Variants in NEDD4L observed in about 807,000 individuals in gnomAD.
NEDD4L encodes the protein NEDD4 like E3 ubiquitin protein ligase.
In NEDD4L, 54 loss-of-function variants were observed where a neutral mutation model predicts 148.9. The observed-to-expected ratio is 0.36, with a 90% CI of 0.29 to 0.45. The LOEUF is 0.45. Among genes scored for constraint, NEDD4L ranks in the 20% least tolerant of loss-of-function variants. The probability of loss-of-function intolerance (pLI) is 1.00; values close to 1 mark genes in which losing one functional copy is unlikely to be tolerated. For synonymous variants in NEDD4L, 433 were observed against 440.7 expected, an observed-to-expected ratio of 0.98 and a Z score of 0.22; for missense variants, 856 against 1,233.8, an observed-to-expected ratio of 0.69 and a Z score of 4.59.
chr18:58,317,311 A>G (rs552783257), intron 6 of NEDD4L, among the ~76,000 whole-genome samples: 3 of 152,068 alleles, frequency 2.0e-5, no homozygotes, highest in African/African-American at 4.8e-5. Flanking sequence ...GGATGTGACT[A>G]TTTCACCTTT....
chr18:58,199,432 C>T (rs933123054), intron 2 of NEDD4L, among the ~76,000 whole-genome samples: 2 of 152,022 alleles, frequency 1.3e-5, no homozygotes, highest in African/African-American at 2.4e-5. Context: ...CTACATTGCA[C>T]AGGATGGCAC....
At chr18:58,362,154 G>C (rs1407113519) in intron 19 of NEDD4L, among the ~76,000 whole-genome samples, 3 of 152,256 alleles carry the variant, frequency 2.0e-5, no homozygotes, top group Non-Finnish European at 4.4e-5. Flanking sequence ...CCAGGAGACA[G>C]AGCAGGCAAG....
At chr18:58,143,254 C>A (rs190271652) in intron 1 of NEDD4L, among the ~76,000 whole-genome samples, 13 of 152,260 alleles carry the variant, frequency 8.5e-5, no homozygotes, top group African/African-American at 3.1e-4. Context: ...TAATAATGTG[C>A]CCAGGTACAC....
chr18:58,046,143 T>G (rs1193547026), intron 1 of NEDD4L: 1 of 152,162 alleles, frequency 6.6e-6, no homozygotes, highest in Non-Finnish European at 1.5e-5. Flanking sequence ...GTGCAAATAA[T>G]GTGTGATTTG....
chr18:58,227,935 T>C (rs1289424561), intron 2 of NEDD4L: 1 of 782,064 alleles, frequency 1.3e-6, no homozygotes, highest in Non-Finnish European at 1.6e-6. Context: ...CTATCCAATT[T>C]ACCCCAAATT....
intron 1 of NEDD4L, among the ~76,000 whole-genome samples, chr18:58,080,318 C>T (rs1256237846): frequency 6.6e-6 from 1 of 152,246 alleles, no homozygotes; most frequent in East Asian, 1.9e-4. Flanking sequence ...GTCTCTTACT[C>T]AGGTTTCAGA....
chr18:58,142,867 A>C (rs1176264623), intron 1 of NEDD4L, among the ~76,000 whole-genome samples: 1 of 152,124 alleles, frequency 6.6e-6, no homozygotes, highest in Non-Finnish European at 1.5e-5. Context: ...TATTAATATT[A>C]AGGGTCTTTA....
intron 5 of NEDD4L, among the ~76,000 whole-genome samples, chr18:58,283,766 A>C (rs952241155): frequency 2.0e-5 from 3 of 152,204 alleles, no homozygotes; most frequent in African/African-American, 7.2e-5. Flanking sequence ...CCCCAAAAAG[A>C]TATGAAATCC....
intron 1 of NEDD4L, among the ~76,000 whole-genome samples, chr18:58,161,957 C>T (rs1055036403): frequency 1.7e-4 from 26 of 152,046 alleles, no homozygotes; most frequent in African/African-American, 5.3e-4. Flanking sequence ...GTTGCATGTC[C>T]GGGTAGAAAA....
At chr18:58,112,709 CGA>C (rs2085498963) in intron 1 of NEDD4L, among the ~76,000 whole-genome samples, 1 of 152,106 alleles carries the variant, frequency 6.6e-6, no homozygotes, top group Non-Finnish European at 1.5e-5. Flanking sequence ...AGGCTCATCT[CGA>C]GCTCCTGAGC....
chr18:58,376,506 T>C (rs2047576797), intron 24 of NEDD4L, among the ~76,000 whole-genome samples: 1 of 152,208 alleles, frequency 6.6e-6, no homozygotes, highest in Admixed American at 6.5e-5. Flanking sequence ...AATAGCTGCA[T>C]ATGGATCTCA....
chr18:58,378,790 G>GC (rs1307552193), intron 24 of NEDD4L, among the ~76,000 whole-genome samples: 3 of 152,192 alleles, frequency 2.0e-5, no homozygotes, highest in Non-Finnish European at 4.4e-5. Flanking sequence ...CCCAAGTCCA[G>GC]CATATTCCAT....
chr18:58,294,757 G>A (rs2055313105), intron 5 of NEDD4L, among the ~76,000 whole-genome samples: 2 of 151,880 alleles, frequency 1.3e-5, no homozygotes, highest in South Asian at 4.2e-4. Context: ...CGGGCCTCAG[G>A]CAATCCTCCT....
chr18:58,373,063 T>C (rs2047107861), intron 23 of NEDD4L, 111 bp from the exon 24 acceptor site: 1 of 675,384 alleles, frequency 1.5e-6, no homozygotes, highest in Non-Finnish European at 2.7e-6. Flanking sequence ...ATTAGTAACA[T>C]ATTTCTTGAG....
chr18:58,057,329 A>C (rs2082131855), intron 1 of NEDD4L, among the ~76,000 whole-genome samples: 1 of 152,082 alleles, frequency 6.6e-6, no homozygotes, highest in Non-Finnish European at 1.5e-5. Flanking sequence ...TGCAATGGGC[A>C]AGAAAGAACA....
intron 1 of NEDD4L, among the ~76,000 whole-genome samples, chr18:58,078,673 T>C (rs1285880078): frequency 2.6e-5 from 4 of 152,186 alleles, no homozygotes; most frequent in Admixed American, 6.5e-5. Flanking sequence ...ATATGTACAA[T>C]GGAACAGAAA....
intron 5 of NEDD4L, among the ~76,000 whole-genome samples, chr18:58,287,697 ATT>A (rs1386622979): frequency 1.3e-5 from 2 of 151,892 alleles, no homozygotes; most frequent in Non-Finnish European, 2.9e-5. Flanking sequence ...TATGTATCGT[ATT>A]TTTTCAAGAA....
intron 20 of NEDD4L, 45 bp from the exon 21 acceptor site, chr18:58,365,950 AGTGT>A (rs2146093702): frequency 7.8e-7 from 1 of 1,290,178 alleles, no homozygotes; most frequent in African/African-American, 1.5e-5. Flanking sequence ...TAGAAAACAA[AGTGT>A]GTATTTACTG....
chr18:58,261,387 T>G (rs556048039), intron 5 of NEDD4L, among the ~76,000 whole-genome samples: 6 of 152,346 alleles, frequency 3.9e-5, no homozygotes, highest in African/African-American at 1.4e-4. Flanking sequence ...AGACTGAGGC[T>G]TTTGAGAAAC....
Sources: allele counts gnomAD v4.1 joint callset (sites outside exome capture counted in the v4.1 genomes callset), GRCh38; gene constraint gnomAD v4.1.1; transcripts MANE v1.5; gene names NCBI Gene and HGNC (gene_info 2026-07-23, HGNC 2026-07-21).